SLC24A3: variants seen among roughly 807,000 people sequenced by gnomAD.
The protein encoded by SLC24A3 is solute carrier family 24 member 3.
In SLC24A3, 28 loss-of-function variants were observed where a neutral mutation model predicts 75.8. The ratio of observed to expected loss-of-function variants is 0.37; its 90% confidence interval spans 0.27 to 0.51. SLC24A3 has a LOEUF of 0.51. SLC24A3 is among the 20% of genes least tolerant of loss of function. SLC24A3 has a pLI of 0.94. For synonymous variants in SLC24A3, 372 were observed against 334.1 expected (o/e 1.11, Z -1.24); for missense variants, 663 against 847.8 (o/e 0.78, Z 2.71).
intron 6 of SLC24A3, among the ~76,000 whole-genome samples, chr20:19,638,856 C>G (rs2032031847): frequency 6.6e-6 from 1 of 152,154 alleles, no homozygotes; most frequent in South Asian, 2.1e-4. Context: ...TCCCAGTGGG[C>G]TCGTGGGCTT....
chr20:19,559,546 A>G (rs1382126535), intron 3 of SLC24A3, among the ~76,000 whole-genome samples: 1 of 151,964 alleles, frequency 6.6e-6, no homozygotes, highest in Non-Finnish European at 1.5e-5. Flanking sequence ...TGTGTGTTCT[A>G]TGTAATAAAT....
At chr20:19,398,892 T>C (rs1986502289) in intron 2 of SLC24A3, among the ~76,000 whole-genome samples, 1 of 152,190 alleles carries the variant, frequency 6.6e-6, no homozygotes, top group African/African-American at 2.4e-5. Flanking sequence ...ATTTATTTTT[T>C]AGTTGGTAGA....
At chr20:19,213,541 G>A (rs1981468961) in intron 1 of SLC24A3, 1 of 152,280 alleles carries the variant, frequency 6.6e-6, no homozygotes, top group South Asian at 2.1e-4. Flanking sequence ...CTCCAGCTAT[G>A]GGCTAGTAGG....
At chr20:19,534,063 C>A (rs994750915) in intron 3 of SLC24A3, among the ~76,000 whole-genome samples, 1 of 152,224 alleles carries the variant, frequency 6.6e-6, no homozygotes, top group African/African-American at 2.4e-5. Context: ...ATTCCGGAAG[C>A]CTTTGAATAG....
chr20:19,334,899 C>G (rs1034379474), intron 2 of SLC24A3, among the ~76,000 whole-genome samples: 2 of 152,176 alleles, frequency 1.3e-5, no homozygotes, highest in African/African-American at 4.8e-5. Flanking sequence ...CAGCCAGAAA[C>G]TAAGCATACA....
chr20:19,578,264 G>A (rs1186989349), intron 3 of SLC24A3, among the ~76,000 whole-genome samples: 2 of 141,050 alleles, frequency 1.4e-5, no homozygotes, highest in Non-Finnish European at 3.0e-5. Context: ...CATTTGGGAC[G>A]TGTGTGTGTG....
intron 2 of SLC24A3, among the ~76,000 whole-genome samples, chr20:19,381,756 T>C (rs763866255): frequency 2.6e-5 from 4 of 152,226 alleles, no homozygotes; most frequent in Non-Finnish European, 5.9e-5. Context: ...ATTTATGTAC[T>C]AGGTGAAGGT....
intron 12 of SLC24A3, among the ~76,000 whole-genome samples, chr20:19,689,334 G>A (rs1023785769): frequency 6.6e-6 from 1 of 152,182 alleles, no homozygotes; most frequent in African/African-American, 2.4e-5. Context: ...AAAGCTGACT[G>A]AGGAACATAA....
intron 3 of SLC24A3, among the ~76,000 whole-genome samples, chr20:19,515,853 C>A (rs958126127): frequency 6.6e-6 from 1 of 152,246 alleles, no homozygotes; most frequent in African/African-American, 2.4e-5. Context: ...ACTCTCTGCT[C>A]AAACACCACC....
chr20:19,659,068 G>A (rs751663544), intron 7 of SLC24A3, among the ~76,000 whole-genome samples: 6 of 152,220 alleles, frequency 3.9e-5, no homozygotes, highest in Admixed American at 1.3e-4. Flanking sequence ...TGGAGGACGG[G>A]GACTGTGAAC....
chr20:19,514,432 T>C (rs1224524943), intron 2 of SLC24A3, among the ~76,000 whole-genome samples: 2 of 152,098 alleles, frequency 1.3e-5, no homozygotes, highest in African/African-American at 4.8e-5. Context: ...ATGGTGGTGG[T>C]TTCTCTAAGA....
At position 19,702,821 on chromosome 20, in the gene SLC24A3, C is replaced by T. The variant is rs148404565; in HGVS notation, c.1719+4141C>T. ...CATAGATATATAGTTGTTTCAGCAC[C>T]GTCTGTTGAAAAGGAGATTTCATTT... On this transcript the variant is annotated intron_variant, in intron 15 of 16. Coordinates refer to ENST00000328041, the MANE Select transcript of SLC24A3 (RefSeq NM_020689.4). Among the ~76,000 whole-genome samples the T allele has an allele frequency of 4.9e-4, 75 of 152,112 alleles. 1 individual carries two copies. The highest frequency in any genetic ancestry group is 9.2e-4 in the Admixed American group (14 of 15,254).
At chr20:19,569,529 T>C (rs2031016371) in intron 3 of SLC24A3, among the ~76,000 whole-genome samples, 1 of 152,116 alleles carries the variant, frequency 6.6e-6, no homozygotes. Flanking sequence ...TCTCCATTCT[T>C]CTCTGCCCTG....
In SLC24A3 at chr20:19,491,812, A is replaced by G. The variant is rs140181095; in HGVS notation, c.272-23676A>G. Among the ~76,000 whole-genome samples the G allele has an allele frequency of 3.3e-5, 5 of 152,342 alleles. No individual in the cohort carries two copies. The East Asian group carries it at 7.7e-4, about 24-fold the overall frequency. Reference sequence around the variant, plus strand: ...TCAAAACACTGCCCGGGAAGGCTTCATCTTAATCCCACAGGTACTCAGTGT... The same window carrying G: ...TCAAAACACTGCCCGGGAAGGCTTCGTCTTAATCCCACAGGTACTCAGTGT... On this transcript the variant is annotated intron_variant, in intron 2 of 16. Coordinates refer to ENST00000328041, the MANE Select transcript of SLC24A3 (RefSeq NM_020689.4).
At chr20:19,363,264 C>G (rs2122344334) in intron 2 of SLC24A3, among the ~76,000 whole-genome samples, 1 of 152,308 alleles carries the variant, frequency 6.6e-6, no homozygotes, top group East Asian at 1.9e-4. Flanking sequence ...TTTTGTTCCC[C>G]TTTTTTGGCC....
chr20:19,684,423 G>A, intron 11 of SLC24A3, 87 bp downstream of exon 11: 1 of 1,441,184 alleles, frequency 6.9e-7, no homozygotes, highest in Non-Finnish European at 9.4e-7. Flanking sequence ...GAAAGAAGAA[G>A]CACCTAACTC....
intron 14 of SLC24A3, 27 bp from the exon 15 acceptor site, chr20:19,698,541 C>T (rs2056357072): frequency 1.9e-6 from 3 of 1,547,008 alleles, no homozygotes; most frequent in Middle Eastern, 1.7e-4. Flanking sequence ...TCCCTTCCCT[C>T]TCTTAAGTGA....
chr20:19,625,987 A>C (rs567178029), intron 6 of SLC24A3, among the ~76,000 whole-genome samples: 1 of 151,808 alleles, frequency 6.6e-6, no homozygotes, highest in Non-Finnish European at 1.5e-5. Flanking sequence ...CTTCCTATTT[A>C]TCTAGGGGCA....
chr20:19,365,155 G>T (rs1170375443), intron 2 of SLC24A3, among the ~76,000 whole-genome samples: 2 of 152,176 alleles, frequency 1.3e-5, no homozygotes, highest in African/African-American at 4.8e-5. Context: ...TCACCTACTG[G>T]CCCCTTCAGC....
Sources: allele counts gnomAD v4.1 joint callset (sites outside exome capture counted in the v4.1 genomes callset), GRCh38; gene constraint gnomAD v4.1.1; transcripts MANE v1.5; gene names NCBI Gene and HGNC (gene_info 2026-07-23, HGNC 2026-07-21).